The following PTPRD variants were observed in gnomAD, a reference collection of about 807,000 sequenced individuals.
PTPRD encodes protein tyrosine phosphatase receptor type D.
In PTPRD, 34 loss-of-function variants were observed where a neutral mutation model predicts 214.5. The observed-to-expected ratio is 0.16, with a 90% CI of 0.12 to 0.21. The LOEUF is 0.21. Among genes scored for constraint, PTPRD ranks in the 10% least tolerant of loss-of-function variants. The pLI is 1.00. For missense variants in PTPRD, 2,545 were observed against 2,398.7 expected (o/e 1.06, Z -1.27); for synonymous variants, 1,128 against 845.7 (o/e 1.33, Z -5.79).
At chr9:10,050,596 T>C (rs931408066) in intron 3 of PTPRD, among the ~76,000 whole-genome samples, 14 of 97,306 alleles carry the variant, frequency 1.4e-4, no homozygotes, top group African/African-American at 6.5e-4. Flanking sequence ...AAAAAGACTA[T>C]GTCAATTTAA....
At chr9:8,444,145 T>C (rs1339703996) in intron 34 of PTPRD, among the ~76,000 whole-genome samples, 1 of 152,158 alleles carries the variant, frequency 6.6e-6, no homozygotes, top group Non-Finnish European at 1.5e-5. Context: ...TCAAAATATA[T>C]GGGCTCAGTA....
chr9:10,543,176 C>T (rs1014274294), intron 2 of PTPRD, among the ~76,000 whole-genome samples: 73 of 152,214 alleles, frequency 4.8e-4, no homozygotes, highest in African/African-American at 1.4e-3. Flanking sequence ...CAAGCCACCA[C>T]GCCCGGCCAC....
At chr9:9,739,079 T>A (rs1159630952) in intron 6 of PTPRD, among the ~76,000 whole-genome samples, 2 of 152,188 alleles carry the variant, frequency 1.3e-5, no homozygotes, top group African/African-American at 4.8e-5. Flanking sequence ...TATCCACACT[T>A]ACACAATAAT....
At chr9:10,149,600 T>G (rs997520590) in intron 3 of PTPRD, among the ~76,000 whole-genome samples, 5 of 152,202 alleles carry the variant, frequency 3.3e-5, no homozygotes, top group Non-Finnish European at 7.3e-5. Context: ...TTCTAGACCT[T>G]TGGTATATTC....
At chr9:8,837,261 C>T (rs575551655) in intron 11 of PTPRD, among the ~76,000 whole-genome samples, 2 of 151,632 alleles carry the variant, frequency 1.3e-5, no homozygotes, top group African/African-American at 2.4e-5. Context: ...GTGATCTGCC[C>T]GCCTTGGCCT....
At chr9:10,576,562 C>G (rs1349995152) in intron 2 of PTPRD, among the ~76,000 whole-genome samples, 1 of 152,108 alleles carries the variant, frequency 6.6e-6, no homozygotes, top group African/African-American at 2.4e-5. Context: ...GCGGACTCAC[C>G]TCTTAGACTA....
chr9:8,703,032 T>A (rs572141815), intron 12 of PTPRD, among the ~76,000 whole-genome samples: 1 of 152,282 alleles, frequency 6.6e-6, no homozygotes, highest in South Asian at 2.1e-4. Context: ...CAATTTCCAA[T>A]TACATAAAGA....
intron 35 of PTPRD, among the ~76,000 whole-genome samples, chr9:8,408,603 A>C (rs1056298303): frequency 2.0e-5 from 3 of 152,218 alleles, no homozygotes; most frequent in Non-Finnish European, 2.9e-5. Flanking sequence ...ATTATCACAG[A>C]ATTCACAAAA....
chr9:10,592,131 C>T (rs1160382917), intron 2 of PTPRD, among the ~76,000 whole-genome samples: 1 of 152,000 alleles, frequency 6.6e-6, no homozygotes, highest in Non-Finnish European at 1.5e-5. Context: ...CTGAAGCAAG[C>T]AAGAAAGTTA....
chr9:9,559,940 G>T lies in PTPRD; in HGVS notation c.-237+14792C>A, dbSNP rs145106212. On this transcript the variant is annotated intron_variant, in intron 8 of 45. Transcript: ENST00000381196. ...GCTTCCACAGCTGCCAATAAATGCA[G>T]TTCTGCCTGGAAACTTATCTGGGTT... Among the ~76,000 whole-genome samples the T allele has an allele frequency of 3.1e-3, 473 of 152,326 alleles. 1 individual carries two copies. Among genetic ancestry groups the T allele is most frequent in the Admixed American group, 6.1e-3 (93 of 15,302 alleles).
intron 3 of PTPRD, among the ~76,000 whole-genome samples, chr9:10,201,712 T>A (rs769896390): frequency 1.3e-5 from 2 of 152,098 alleles, no homozygotes; most frequent in African/African-American, 4.8e-5. Context: ...ATTAGCTTGA[T>A]TGAATCATTC....
chr9:8,663,756 G>T (rs1645108995), intron 12 of PTPRD, among the ~76,000 whole-genome samples: 1 of 152,068 alleles, frequency 6.6e-6, no homozygotes, highest in Non-Finnish European at 1.5e-5. Context: ...CTCCCAAAAT[G>T]TTGGGATTAC....
At chr9:8,451,369 G>C (rs1027718736) in intron 33 of PTPRD, among the ~76,000 whole-genome samples, 1 of 152,182 alleles carries the variant, frequency 6.6e-6, no homozygotes, top group African/African-American at 2.4e-5. Context: ...TCAGAGGTGA[G>C]CAGTATTCTG....
intron 4 of PTPRD, among the ~76,000 whole-genome samples, chr9:9,995,253 A>C (rs1027917219): frequency 6.6e-6 from 1 of 152,174 alleles, no homozygotes; most frequent in Non-Finnish European, 1.5e-5. Flanking sequence ...TAGGTAAAAT[A>C]GGGCTTTTAT....
intron 11 of PTPRD, among the ~76,000 whole-genome samples, chr9:8,910,722 A>G (rs1286535373): frequency 6.6e-6 from 1 of 152,246 alleles, no homozygotes; most frequent in Admixed American, 6.5e-5. Flanking sequence ...AAAATGGACT[A>G]AGATAATCTA....
intron 10 of PTPRD, among the ~76,000 whole-genome samples, chr9:9,065,479 G>A (rs2099726486): frequency 2.0e-5 from 3 of 152,138 alleles, no homozygotes; most frequent in Admixed American, 2.0e-4. Flanking sequence ...TAGGGAAGTG[G>A]GAGTAAGATA....
rs1261806442 is a variant in PTPRD, at chr9:8,498,004, C to T, written c.2323-736G>A. The stretch of plus-strand genomic sequence containing the variant: ...TGGCTTTAATTTTATACTACGATAA[C>T]TTTCTTTTTATAGGCACTACATAAT... On this transcript the variant is annotated intron_variant, in intron 25 of 45. Coordinates refer to ENST00000381196, the MANE Select transcript of PTPRD (RefSeq NM_002839.4). Among the ~76,000 whole-genome samples, 3 of 152,166 alleles carry T rather than the reference C, an allele frequency of 2.0e-5. No individual in the cohort carries two copies. The East Asian group carries it at 5.8e-4, about 29-fold the overall frequency.
chr9:10,507,568 C>A (rs978988746), intron 2 of PTPRD, among the ~76,000 whole-genome samples: 1 of 152,036 alleles, frequency 6.6e-6, no homozygotes, highest in African/African-American at 2.4e-5. Context: ...ACTACAGTAA[C>A]CAAAACAGCA....
intron 14 of PTPRD, among the ~76,000 whole-genome samples, chr9:8,586,730 G>C (rs777029594): frequency 7.2e-5 from 11 of 152,212 alleles, no homozygotes; most frequent in African/African-American, 2.6e-4. Context: ...CCACACATTT[G>C]CCAACGGCAT....
Sources: gnomAD v4.1 joint callset for allele counts (sites outside exome capture counted in the v4.1 genomes callset) on GRCh38, gnomAD v4.1.1 for gene constraint, MANE v1.5 for transcripts, NCBI Gene and HGNC (gene_info 2026-07-23, HGNC 2026-07-21) for gene names.